PTPRC: variants seen among roughly 807,000 people sequenced by gnomAD.
PTPRC encodes the protein protein tyrosine phosphatase receptor type C.
In PTPRC, 44 loss-of-function variants were observed where a neutral mutation model predicts 155.9. The observed-to-expected ratio is 0.28, with a 90% CI of 0.22 to 0.36. PTPRC has a LOEUF of 0.36. Among genes scored for constraint, PTPRC ranks in the 10% least tolerant of loss-of-function variants. The pLI is 1.00. For synonymous variants in PTPRC, 525 were observed against 533.1 expected (o/e 0.98, Z 0.21); for missense variants, 1,401 against 1,564.6 (o/e 0.90, Z 1.76).
At chr1:198,684,255 CATG>C (rs1665498063) in intron 2 of PTPRC, among the ~76,000 whole-genome samples, 2 of 151,132 alleles carry the variant, frequency 1.3e-5, no homozygotes, top group East Asian at 1.9e-4. Flanking sequence ...AAATATATAA[CATG>C]ATGTTTTAAA....
chr1:198,674,666 G>T (rs1664844516), intron 2 of PTPRC, among the ~76,000 whole-genome samples: 1 of 151,536 alleles, frequency 6.6e-6, no homozygotes, highest in African/African-American at 2.4e-5. Flanking sequence ...AAAAATGAAA[G>T]AAAATGAATC....
At chr1:198,698,727 A>G (rs987239825) in intron 4 of PTPRC, among the ~76,000 whole-genome samples, 1 of 152,008 alleles carries the variant, frequency 6.6e-6, no homozygotes, top group Non-Finnish European at 1.5e-5. Context: ...AAGTATATAT[A>G]AAGTATATGT....
intron 14 of PTPRC, 63 bp from the exon 15 acceptor site, chr1:198,722,353 T>C: frequency 1.5e-6 from 1 of 684,050 alleles, no homozygotes. Flanking sequence ...ATATATAATA[T>C]ATATATATAT....
At chr1:198,654,755 A>ATG (rs1663459518) in intron 2 of PTPRC, among the ~76,000 whole-genome samples, 1 of 151,934 alleles carries the variant, frequency 6.6e-6, no homozygotes, top group African/African-American at 2.4e-5. Context: ...ATGTAATAAT[A>ATG]GTAATAAATA....
intron 3 of PTPRC, 39 bp from the exon 4 acceptor site, chr1:198,696,673 A>G: frequency 6.5e-7 from 1 of 1,527,384 alleles, no homozygotes; most frequent in South Asian, 1.1e-5. Context: ...TGATTCACAT[A>G]TTTATTTTGT....
chr1:198,642,937 T>G (rs1662701961), intron 2 of PTPRC, among the ~76,000 whole-genome samples: 1 of 149,700 alleles, frequency 6.7e-6, no homozygotes, highest in Admixed American at 6.7e-5. Flanking sequence ...TCTTTCTTTC[T>G]TTCTTTCTTT....
intron 2 of PTPRC, among the ~76,000 whole-genome samples, chr1:198,665,288 G>A (rs1664227077): frequency 6.6e-6 from 1 of 150,592 alleles, no homozygotes; most frequent in Admixed American, 6.6e-5. Context: ...ATTCTTAGTA[G>A]AGACGGGGTT....
At chr1:198,730,540 G>A (rs1654338988) in intron 17 of PTPRC, among the ~76,000 whole-genome samples, 1 of 152,120 alleles carries the variant, frequency 6.6e-6, no homozygotes. Context: ...CATTTTGATA[G>A]GCTGAGGGAG....
At chr1:198,733,337 C>T (rs1303740173) in intron 20 of PTPRC, among the ~76,000 whole-genome samples, 1 of 151,658 alleles carries the variant, frequency 6.6e-6, no homozygotes, top group East Asian at 1.9e-4. Context: ...GAACTTAGAG[C>T]TCCCTGAAAG....
intron 2 of PTPRC, among the ~76,000 whole-genome samples, chr1:198,648,104 A>ATTTT (rs1663033275): frequency 6.6e-6 from 1 of 151,932 alleles, no homozygotes; most frequent in East Asian, 1.9e-4. Context: ...TTCTTTGCAG[A>ATTTT]CTTTTAAATT....
intron 2 of PTPRC, among the ~76,000 whole-genome samples, chr1:198,685,238 T>G (rs1271778163): frequency 6.6e-6 from 1 of 151,940 alleles, no homozygotes; most frequent in Non-Finnish European, 1.5e-5. Flanking sequence ...AATTATTAAA[T>G]AGACACTATT....
chr1:198,642,010 G>T (rs1376770175), intron 2 of PTPRC, among the ~76,000 whole-genome samples: 1 of 151,896 alleles, frequency 6.6e-6, no homozygotes, highest in African/African-American at 2.4e-5. Context: ...TTGGGAATGT[G>T]ATTAGAATTA....
intron 4 of PTPRC, 145 bp from the exon 5 acceptor site, chr1:198,699,419 A>T: frequency 2.0e-6 from 2 of 1,016,156 alleles, no homozygotes; most frequent in Non-Finnish European, 3.0e-6. Flanking sequence ...AAGCAAATTT[A>T]AATACTGACA....
chr1:198,643,490 A>C (rs923955130), intron 2 of PTPRC, among the ~76,000 whole-genome samples: 1 of 151,936 alleles, frequency 6.6e-6, no homozygotes, highest in Non-Finnish European at 1.5e-5. Flanking sequence ...TCCAGATTAA[A>C]TTAAGTTGAT....
chr1:198,649,054 A>G (rs909882013), intron 2 of PTPRC, among the ~76,000 whole-genome samples: 1 of 151,846 alleles, frequency 6.6e-6, no homozygotes, highest in African/African-American at 2.4e-5. Flanking sequence ...TCCAAAAAGC[A>G]TATTAAGTGA....
At chr1:198,729,442 C>A (rs1654290690) in intron 17 of PTPRC, among the ~76,000 whole-genome samples, 1 of 152,078 alleles carries the variant, frequency 6.6e-6, no homozygotes, top group Non-Finnish European at 1.5e-5. Context: ...GGGATATCAC[C>A]ATGCTGCCCA....
At chr1:198,687,441 T>C (rs1243058592) in intron 2 of PTPRC, among the ~76,000 whole-genome samples, 1 of 152,180 alleles carries the variant, frequency 6.6e-6, no homozygotes, top group African/African-American at 2.4e-5. Context: ...AATTAAAATA[T>C]GATAGAGAAT....
At chr1:198,655,731 C>T (rs1328362668) in intron 2 of PTPRC, among the ~76,000 whole-genome samples, 1 of 151,992 alleles carries the variant, frequency 6.6e-6, no homozygotes, top group African/African-American at 2.4e-5. Context: ...GGATGTTTAG[C>T]AACATTCCTG....
chr1:198,700,695 GT>G (rs1666417249), intron 5 of PTPRC, among the ~76,000 whole-genome samples: 1 of 152,172 alleles, frequency 6.6e-6, no homozygotes, highest in Non-Finnish European at 1.5e-5. Flanking sequence ...CCTGGGGCTG[GT>G]TGTCACACAG....
Sources: gnomAD v4.1 joint callset for allele counts (sites outside exome capture counted in the v4.1 genomes callset) on GRCh38, gnomAD v4.1.1 for gene constraint, MANE v1.5 for transcripts, NCBI Gene and HGNC (gene_info 2026-07-23, HGNC 2026-07-21) for gene names.